The following KLHL32 variants were observed in gnomAD, a reference collection of about 807,000 sequenced individuals.
The protein encoded by KLHL32 is kelch like family member 32.
A neutral mutation model predicts 64.8 loss-of-function variants in KLHL32; 35 were observed. That is an observed-to-expected ratio of 0.54 (90% CI 0.41 to 0.72). The LOEUF (loss-of-function observed/expected upper bound fraction) is 0.72. KLHL32 is among the 30% of genes least tolerant of loss of function. KLHL32 has a pLI of 0.00. For missense variants in KLHL32, 589 were observed against 768.5 expected, an observed-to-expected ratio of 0.77 and a Z score of 2.76; for synonymous variants, 259 against 281.0, an observed-to-expected ratio of 0.92 and a Z score of 0.78.
chr6:97,092,167 T>A (rs1043206337), intron 6 of KLHL32, among the ~76,000 whole-genome samples: 24 of 152,098 alleles, frequency 1.6e-4, no homozygotes, highest in Non-Finnish European at 2.6e-4. Context: ...TTTTTTGTAT[T>A]TTTAGTAGAG....
chr6:97,085,167 T>C lies in KLHL32; in HGVS notation c.453T>C (p.Ala151=), dbSNP rs1562319759. 2.0e-5 allele frequency: 32 copies of C among 1,613,926 alleles called. No homozygotes were observed. Among genetic ancestry groups the C allele is most frequent in the Non-Finnish European group, 2.6e-5 (31 of 1,180,030 alleles). Residue 151 remains alanine (A), a synonymous_variant, in exon 6 of 11, where the codon GCT becomes GCC. Transcript: ENST00000369261. ...ATTACTTGGATCTGTACAGACTTGCTGACCTCTTTAACCTCACTTTGTTGG... is the reference window on the plus strand; with the variant it reads ...ATTACTTGGATCTGTACAGACTTGCCGACCTCTTTAACCTCACTTTGTTGG... ...SFNYLDLYRL[A]DLFNLTLLEK...
chr6:96,913,983 G>T, the KLHL32 span, among the ~76,000 whole-genome samples: 1 of 152,174 alleles, frequency 6.6e-6, no homozygotes, highest in Non-Finnish European at 1.5e-5. Flanking sequence ...TTATCCAGGG[G>T]ACTCAACGTA....
At chr6:96,993,264 T>C (rs1364105660) in intron 3 of KLHL32, among the ~76,000 whole-genome samples, 3 of 152,210 alleles carry the variant, frequency 2.0e-5, no homozygotes, top group African/African-American at 7.2e-5. Context: ...CTGGATTTGC[T>C]TTTGCATCAG....
At chr6:97,105,556 G>T (rs1369648645) in intron 6 of KLHL32, 1 of 470,004 alleles carries the variant, frequency 2.1e-6, no homozygotes, top group African/African-American at 2.0e-5. Context: ...CACAGCGTGG[G>T]ATTCTGCAAA....
intron 6 of KLHL32, among the ~76,000 whole-genome samples, chr6:97,106,156 AGG>A (rs1192360771): frequency 6.6e-6 from 1 of 152,220 alleles, no homozygotes; most frequent in Non-Finnish European, 1.5e-5. Context: ...TGAACAATAA[AGG>A]AATTAGAATC....
At chr6:96,983,783 A>T (rs1428583681) in intron 3 of KLHL32, among the ~76,000 whole-genome samples, 4 of 151,960 alleles carry the variant, frequency 2.6e-5, no homozygotes, top group African/African-American at 9.7e-5. Flanking sequence ...CTTCTTTATT[A>T]GTCTTGCTAG....
chr6:96,942,517 T>C (rs983053906), intron 1 of KLHL32, among the ~76,000 whole-genome samples: 4 of 152,308 alleles, frequency 2.6e-5, no homozygotes, highest in Admixed American at 2.6e-4. Flanking sequence ...CTTATGTGTG[T>C]TTTCTTAATT....
At chr6:97,031,884 T>C (rs1339394628) in intron 3 of KLHL32, among the ~76,000 whole-genome samples, 2 of 152,180 alleles carry the variant, frequency 1.3e-5, no homozygotes, top group African/African-American at 4.8e-5. Flanking sequence ...CTCGTTTCAA[T>C]TGGAGTCAAA....
At chr6:97,003,367 TAA>T (rs1779274966) in intron 3 of KLHL32, among the ~76,000 whole-genome samples, 1 of 152,116 alleles carries the variant, frequency 6.6e-6, no homozygotes, top group African/African-American at 2.4e-5. Context: ...CTTGTTAATT[TAA>T]GTTCCCTATA....
intron 8 of KLHL32, 43 bp from the exon 9 acceptor site, chr6:97,130,714 G>A: frequency 6.6e-7 from 1 of 1,517,622 alleles, no homozygotes. Context: ...TTCTGACATG[G>A]AGGTCTCCTA....
intron 3 of KLHL32, among the ~76,000 whole-genome samples, chr6:97,000,278 G>A (rs1240027951): frequency 6.6e-6 from 1 of 152,194 alleles, no homozygotes; most frequent in Non-Finnish European, 1.5e-5. Context: ...GCTACTCAAA[G>A]TGTGGTCCAT....
upstream of KLHL32, among the ~76,000 whole-genome samples, chr6:96,921,255 A>T (rs1341687008): frequency 6.6e-6 from 1 of 152,202 alleles, no homozygotes; most frequent in Non-Finnish European, 1.5e-5. Context: ...TCATGTGACT[A>T]GTTGATTATG....
At chr6:97,012,654 T>A (rs1055189399) in intron 3 of KLHL32, among the ~76,000 whole-genome samples, 2 of 152,232 alleles carry the variant, frequency 1.3e-5, no homozygotes, top group Admixed American at 6.5e-5. Context: ...ATAATTTTTG[T>A]GAATTTTCAG....
At chr6:97,077,668 C>G (rs1165526549) in intron 5 of KLHL32, among the ~76,000 whole-genome samples, 1 of 152,174 alleles carries the variant, frequency 6.6e-6, no homozygotes, top group Non-Finnish European at 1.5e-5. Flanking sequence ...CTTAAGAACA[C>G]TTTTCTCAGT....
At chr6:97,104,492 AAAT>A (rs2128200979) in intron 6 of KLHL32, among the ~76,000 whole-genome samples, 1 of 152,380 alleles carries the variant, frequency 6.6e-6, no homozygotes, top group Non-Finnish European at 1.5e-5. Context: ...AGGAACAATG[AAAT>A]AATGTATTAT....
At position 97,081,381 on chromosome 6, in the gene KLHL32, T is replaced by C. The variant is rs181788945; in HGVS notation, c.412-3745T>C. ...TGTAGAAGCCACATAGAGGAGGTGATTTAGAGTATGGGCTCTGGATTGGTT... is the reference window on the plus strand; with the variant it reads ...TGTAGAAGCCACATAGAGGAGGTGACTTAGAGTATGGGCTCTGGATTGGTT... On this transcript the variant is annotated intron_variant, in intron 5 of 10. Transcript: ENST00000369261. Among the ~76,000 whole-genome samples the C allele has an allele frequency of 1.5e-4, 23 of 152,116 alleles. No homozygotes were observed. In the East Asian group the frequency reaches 4.5e-3, roughly 29 times the overall value.
the KLHL32 span, among the ~76,000 whole-genome samples, chr6:96,909,283 G>C: frequency 2.0e-5 from 3 of 152,162 alleles, no homozygotes; most frequent in African/African-American, 7.2e-5. Context: ...AGATAGAAGA[G>C]AAAAACACTT....
At chr6:96,952,400 A>G (rs1347964023) in intron 1 of KLHL32, among the ~76,000 whole-genome samples, 1 of 152,186 alleles carries the variant, frequency 6.6e-6, no homozygotes, top group Admixed American at 6.5e-5. Flanking sequence ...GGTAAAATTG[A>G]AACTGCCTTT....
At chr6:97,042,582 A>C (rs1245565084) in intron 4 of KLHL32, among the ~76,000 whole-genome samples, 1 of 151,172 alleles carries the variant, frequency 6.6e-6, no homozygotes, top group Admixed American at 6.6e-5. Flanking sequence ...GGAATGATTA[A>C]ATCAGGCTAA....
Sources: gnomAD v4.1 joint callset for allele counts (sites outside exome capture counted in the v4.1 genomes callset) on GRCh38, gnomAD v4.1.1 for gene constraint, MANE v1.5 for transcripts, NCBI Gene and HGNC (gene_info 2026-07-23, HGNC 2026-07-21) for gene names.